CDH7: variants seen among roughly 807,000 people sequenced by gnomAD.
CDH7 encodes cadherin 7.
A neutral mutation model predicts 71.8 loss-of-function variants in CDH7; 25 were observed. The observed-to-expected ratio is 0.35, with a 90% CI of 0.25 to 0.49. The LOEUF (loss-of-function observed/expected upper bound fraction) is 0.49, where lower values mean the gene tolerates loss of function less well. Among genes scored for constraint, CDH7 ranks in the 20% least tolerant of loss-of-function variants. The pLI, the probability that CDH7 is intolerant of heterozygous loss-of-function variation, is 0.99. For missense variants in CDH7, 862 were observed against 974.6 expected (o/e 0.88, Z 1.54); for synonymous variants, 381 against 363.8 (o/e 1.05, Z -0.54).
rs542048485 is a variant in CDH7, at chr18:65,781,508, C to CT, written c.210+18462dup. 1.4e-3 allele frequency among the ~76,000 whole-genome samples: 217 copies of CT among 152,116 alleles called. 1 individual carries two copies. The highest frequency in any genetic ancestry group is 3.4e-3 in the Middle Eastern group (1 of 292). ...GAATATTTTGTATACTTGAATGTGG[C>CT]TTTTTTGGTACAAGTTTGGAATTAT... On this transcript the variant is annotated intron_variant, in intron 2 of 11. Coordinates refer to ENST00000397968, the MANE Select transcript of CDH7 (RefSeq NM_004361.5).
At chr18:65,814,438 T>A (rs1911650694) in intron 3 of CDH7, 47 bp from the exon 4 acceptor site, 1 of 1,609,016 alleles carries the variant, frequency 6.2e-7, no homozygotes, top group Non-Finnish European at 8.5e-7. Context: ...TTTTGTTTTG[T>A]GGTATTTGGA....
intron 4 of CDH7, among the ~76,000 whole-genome samples, chr18:65,819,983 G>A (rs1203935287): frequency 7.3e-6 from 1 of 137,854 alleles, no homozygotes; most frequent in African/African-American, 2.6e-5. Context: ...TGTTACATGA[G>A]GTACATATAC....
intron 2 of CDH7, among the ~76,000 whole-genome samples, chr18:65,777,038 C>G (rs1215091842): frequency 5.3e-5 from 8 of 152,126 alleles, no homozygotes; most frequent in African/African-American, 1.7e-4. Context: ...AAAAGGGGAA[C>G]TATTGCCAGG....
intron 1 of CDH7, among the ~76,000 whole-genome samples, chr18:65,754,007 T>C (rs1490791037): frequency 6.6e-6 from 1 of 152,188 alleles, no homozygotes; most frequent in Non-Finnish European, 1.5e-5. Context: ...AAGGGCAAAT[T>C]AAAAATTATA....
At chr18:65,788,648 G>A (rs747513951) in intron 2 of CDH7, among the ~76,000 whole-genome samples, 19 of 152,276 alleles carry the variant, frequency 1.2e-4, no homozygotes, top group East Asian at 9.6e-4. Context: ...ACACCACCTC[G>A]TGGACCAGAT....
intron 11 of CDH7, among the ~76,000 whole-genome samples, chr18:65,873,250 T>G (rs1913979003): frequency 6.6e-6 from 1 of 152,168 alleles, no homozygotes; most frequent in Non-Finnish European, 1.5e-5. Context: ...TTAAACTGAT[T>G]ATAGCTGTCC....
chr18:65,758,431 G>A (rs184376042), intron 1 of CDH7, among the ~76,000 whole-genome samples: 44 of 152,324 alleles, frequency 2.9e-4, no homozygotes, highest in Admixed American at 2.5e-3. Context: ...GAGGGCATAT[G>A]TTCCTGGGAG....
intron 1 of CDH7, among the ~76,000 whole-genome samples, chr18:65,757,029 T>C (rs1386219671): frequency 2.0e-5 from 3 of 148,508 alleles, no homozygotes; most frequent in East Asian, 2.0e-4. Context: ...GTAATTGATA[T>C]GCTAATGCAT....
chr18:65,758,890 A>G (rs1916108355), intron 1 of CDH7, among the ~76,000 whole-genome samples: 1 of 152,224 alleles, frequency 6.6e-6, no homozygotes, highest in African/African-American at 2.4e-5. Context: ...CGTAGATACT[A>G]CAGATACGAT....
chr18:65,879,446 A>G (rs1286419432), intron 11 of CDH7, among the ~76,000 whole-genome samples: 1 of 152,184 alleles, frequency 6.6e-6, no homozygotes, highest in Non-Finnish European at 1.5e-5. Context: ...TACTTTACAT[A>G]TTTTTAAATT....
chr18:65,789,464 T>C (rs1157230475), intron 2 of CDH7, among the ~76,000 whole-genome samples: 1 of 123,602 alleles, frequency 8.1e-6, no homozygotes, highest in Admixed American at 7.2e-5. Flanking sequence ...ACATGTGCTA[T>C]TTTTTTGTTT....
In CDH7 at chr18:65,886,748, A is replaced by G. The variant is rs1914383333; in HGVS notation, c.*5854A>G. ...TAATTAATAATTTATACACTTGAAA[A>G]AATTAGATGCAATGATATTGACTTA... On this transcript the variant is annotated 3_prime_UTR_variant, in exon 12 of 12. Coordinates refer to ENST00000397968, the MANE Select transcript of CDH7 (RefSeq NM_004361.5). 1 of 152,170 alleles carries G rather than the reference A, an allele frequency of 6.6e-6. No individual in the cohort carries two copies. Among genetic ancestry groups the G allele is most frequent in the Admixed American group, 6.5e-5 (1 of 15,290 alleles). 9.4% of individuals were successfully genotyped at this position (152,170 alleles called of 1,614,324 possible).
chr18:65,861,892 CAT>C (rs1371127011), intron 10 of CDH7, among the ~76,000 whole-genome samples: 2 of 151,806 alleles, frequency 1.3e-5, no homozygotes, highest in African/African-American at 4.8e-5. Flanking sequence ...TAAAAAATCT[CAT>C]AAATACTCTT....
chr18:65,845,553 A>G (rs983722159), intron 7 of CDH7, among the ~76,000 whole-genome samples: 16 of 152,256 alleles, frequency 1.1e-4, no homozygotes, highest in Non-Finnish European at 1.9e-4. Flanking sequence ...GTTTTGTTAT[A>G]GCATTCCATC....
chr18:65,859,130 C>G lies in CDH7; in HGVS notation c.1494+84C>G, dbSNP rs1006254247. ...GCAGTTGCCTTTGAAATTCTTCCAG[C>G]TTTAAGATAAAATATAATCAGCTTG... On this transcript the variant is annotated intron_variant, in intron 9 of 11. Coordinates refer to ENST00000397968, the MANE Select transcript of CDH7 (RefSeq NM_004361.5). 9 of 1,296,464 alleles carry G rather than the reference C, an allele frequency of 6.9e-6. No individual in the cohort carries two copies. The Admixed American group carries it at 1.7e-4, about 24-fold the overall frequency. 80.3% of individuals were successfully genotyped at this position (1,296,464 alleles called of 1,614,324 possible). A position where few individuals can be genotyped will look rare whatever the true frequency, so the allele number is the denominator to read the frequency against.
At chr18:65,755,246 T>C (rs1306575606) in intron 1 of CDH7, among the ~76,000 whole-genome samples, 1 of 152,204 alleles carries the variant, frequency 6.6e-6, no homozygotes, top group African/African-American at 2.4e-5. Flanking sequence ...AGTACCTAGC[T>C]GTGTGACCTT....
At chr18:65,783,469 G>C (rs1017597247) in intron 2 of CDH7, among the ~76,000 whole-genome samples, 1 of 152,126 alleles carries the variant, frequency 6.6e-6, no homozygotes, top group Non-Finnish European at 1.5e-5. Flanking sequence ...TTTCTTAACA[G>C]CCATGTCTCT....
chr18:65,845,719 G>C (rs571707082), intron 7 of CDH7, among the ~76,000 whole-genome samples: 1 of 152,136 alleles, frequency 6.6e-6, no homozygotes, highest in African/African-American at 2.4e-5. Context: ...TGGAGATATG[G>C]AGAGTGACCG....
In CDH7 at chr18:65,762,740, C is replaced by T. The variant is rs895896644; in HGVS notation, c.-103C>T. 5 of 867,752 alleles carry T rather than the reference C, an allele frequency of 5.8e-6. No individual in the cohort carries two copies. Among genetic ancestry groups the T allele is most frequent in the Non-Finnish European group, 7.0e-6 (4 of 569,164 alleles). 53.8% of individuals were successfully genotyped at this position (867,752 alleles called of 1,614,324 possible). On this transcript the variant is annotated 5_prime_UTR_variant, in exon 2 of 12. Transcript: ENST00000397968. ...CAGATTATTATCTCTGGACTCCCAG[C>T]TGACACCCTGCCGGAGGCAAGAGCT...
Sources: allele counts gnomAD v4.1 joint callset (sites outside exome capture counted in the v4.1 genomes callset), GRCh38; gene constraint gnomAD v4.1.1; transcripts MANE v1.5; gene names NCBI Gene and HGNC (gene_info 2026-07-23, HGNC 2026-07-21).